The following CCR10 variants were observed in gnomAD, a reference collection of about 807,000 sequenced individuals.
CCR10 encodes C-C motif chemokine receptor 10.
CCR10 carries 11 observed loss-of-function variants against 11.9 expected under a neutral mutation model. That is an observed-to-expected ratio of 0.92 (90% CI 0.58 to 1.53). CCR10 has a LOEUF of 1.53. Ranked by LOEUF, CCR10 falls within the 40% of genes most tolerant of loss-of-function variation. CCR10 has a pLI of 0.00. For synonymous variants in CCR10, 224 were observed against 245.4 expected (o/e 0.91, Z 0.81); for missense variants, 428 against 496.6 (o/e 0.86, Z 1.31).
chr17:42,680,595 C>T lies in CCR10; in HGVS notation c.47G>A (p.Gly16Glu). 1.9e-6 allele frequency: 3 copies of T among 1,572,146 alleles called. No homozygotes were observed. The highest frequency in any genetic ancestry group is 2.6e-6 in the Non-Finnish European group (3 of 1,156,372). ...TEQVSWGHYS[G>E]DEEDAYSAEP... ...AGCCGAGTATGCGTCCTCTTCATCC[C>T]CAGAGTAATGGCCCCAGGAAACCTG... The change falls in exon 2 of 2, where the codon GGG becomes GAG. Residue 16 changes from glycine to glutamate, a missense_variant. Transcript: ENST00000332438.
rs1427071755 is a variant in CCR10 at position 42,679,992 on chromosome 17, G to A, written c.650C>T (p.Ala217Val). The A allele has an allele frequency of 8.9e-6, 14 of 1,573,036 alleles. 1 individual carries two copies. The highest frequency in any genetic ancestry group is 1.7e-4 in the Middle Eastern group (1 of 5,994). Reference sequence around the variant, plus strand: ...GGCTACCATGACGCCCAGCGGCAGCGCGAAGCCCAGGGCCACCTGCGCCAC... The same window carrying A: ...GGCTACCATGACGCCCAGCGGCAGCACGAAGCCCAGGGCCACCTGCGCCAC... ...SAVAQVALGFALPLGVMVACY... is the reference protein window; with the variant it reads ...SAVAQVALGFVLPLGVMVACY... Residue 217 changes from alanine to valine, a missense_variant, in exon 2 of 2, where the codon GCG becomes GTG. Transcript: ENST00000332438.
chr17:42,679,375 A>C lies in CCR10; in HGVS notation c.*178T>G, dbSNP rs553443129. The C allele has an allele frequency of 2.2e-6, 1 of 444,680 alleles. No homozygotes were observed. Among genetic ancestry groups the C allele is most frequent in the African/African-American group, 2.0e-5 (1 of 49,318 alleles). 27.5% of individuals were successfully genotyped at this position (444,680 alleles called of 1,614,324 possible). A position where few individuals can be genotyped will look rare whatever the true frequency, so the allele number is the denominator to read the frequency against. On this transcript the variant is annotated 3_prime_UTR_variant, in exon 2 of 2. Transcript: ENST00000332438. ...TTCTGCCCCGCCACAAATCACTTCC[A>C]AGTCGGTGACTCAAAAATAGTAACA...
intron 1 of CCR10, 92 bp from the exon 2 acceptor site, chr17:42,680,709 T>C (rs2052921602): frequency 1.2e-6 from 1 of 864,404 alleles, no homozygotes; most frequent in South Asian, 1.6e-5. Context: ...TGAGAGCTCC[T>C]GTGTGGCCAG....
rs1243122707 is a variant in CCR10, at chr17:42,678,938, G to C, written c.*615C>G. 1.3e-5 allele frequency: 2 copies of C among 152,216 alleles called. No homozygotes were observed. Among genetic ancestry groups the C allele is most frequent in the Non-Finnish European group, 1.5e-5 (1 of 68,084 alleles). The allele number at this position is 152,216 out of a possible 1,614,324, so 9.4% of individuals were successfully genotyped here. ...TTCTTTCCATCACAGACACTAGGAA[G>C]GGATTGTAAAGTGGTTATGAAATCC... On this transcript the variant is annotated 3_prime_UTR_variant, in exon 2 of 2. Transcript: ENST00000332438.
intron 1 of CCR10, 96 bp downstream of exon 1, chr17:42,681,704 G>A: frequency 1.1e-6 from 1 of 885,486 alleles, no homozygotes. Flanking sequence ...ATAAGCCATA[G>A]GATGGCAGAG....
At chr17:42,681,173 G>A (rs1254463367) in intron 1 of CCR10, among the ~76,000 whole-genome samples, 13 of 151,970 alleles carry the variant, frequency 8.6e-5, no homozygotes, top group African/African-American at 2.7e-4. Context: ...CCACCACCAC[G>A]CCCAGCTAAT....
intron 1 of CCR10, 83 bp from the exon 2 acceptor site, chr17:42,680,700 G>T: frequency 1.0e-6 from 1 of 961,242 alleles, no homozygotes; most frequent in Non-Finnish European, 1.6e-6. Flanking sequence ...CTTCCAAGCT[G>T]AGAGCTCCTG....
chr17:42,680,346 G>T lies in CCR10; in HGVS notation c.296C>A (p.Ala99Glu), dbSNP rs1191006350. ...ACTCCAGCCCTGAAGAGCCCCTGCT[G>T]CCGCGAAGGGCAGAGTCAGGGCCAG... Reference protein sequence around the residue: ...LLLALTLPFAAAGALQGWSLG... With the variant: ...LLLALTLPFAEAGALQGWSLG... Residue 99 changes from alanine to glutamate, a missense_variant, in exon 2 of 2, where the codon GCA becomes GAA. Transcript: ENST00000332438. 31 of 1,552,780 alleles carry T rather than the reference G, an allele frequency of 2.0e-5. No homozygotes were observed. The highest frequency in any genetic ancestry group is 2.6e-5 in the Non-Finnish European group (30 of 1,148,272).
Position 42,680,533 on chromosome 17 carries a change from G to C in CCR10, c.109C>G (p.Gln37Glu), listed in dbSNP as rs1383739834. Residue 37 changes from glutamine to glutamate, a missense_variant, in exon 2 of 2, where the codon CAG becomes GAG. Physicochemically the swap from Gln to Glu is conservative, Grantham distance 29. Transcript: ENST00000332438. The stretch of plus-strand genomic sequence containing the variant: ...GGTTGGAAGGCCCGGCTGAAGGCCT[G>C]GACATCGGCCTTGTAGCAAAGCTCC... ...LPELCYKADV[Q>E]AFSRAFQPSV... The C allele has an allele frequency of 6.2e-7, 1 of 1,611,990 alleles. No homozygotes were observed.
rs547726826 is a variant in CCR10 at position 42,680,568 on chromosome 17, T to C, written c.74A>G (p.Glu25Gly). The change falls in exon 2 of 2, where the codon GAG (glutamate) becomes GGG (glycine). Residue 25 changes from glutamate (E) to glycine (G), a missense_variant. Physicochemically the swap from Glu to Gly is moderately conservative, Grantham distance 98. Coordinates refer to ENST00000332438, the MANE Select transcript of CCR10 (RefSeq NM_016602.3). ...CTTGTAGCAAAGCTCCGGCAGTGGC[T>C]CAGCCGAGTATGCGTCCTCTTCATC... ...SGDEEDAYSAEPLPELCYKAD... is the reference protein window; with the variant it reads ...SGDEEDAYSAGPLPELCYKAD... 68 of 1,603,102 alleles carry C rather than the reference T, an allele frequency of 4.2e-5. No homozygotes were observed. Among genetic ancestry groups the C allele is most frequent in the Admixed American group, 1.9e-4 (11 of 58,672 alleles).
rs761777239 is a variant in CCR10, at chr17:42,679,853, G to A, written c.789C>T (p.Tyr263=). ...VAAFVVLQLP[Y]SLALLLDTAD... ...CAGTATCCAGCAGCAGGGCGAGGCTGTAGGGCAGCTGCAGCACCACGAAGG... is the reference window on the plus strand; with the variant it reads ...CAGTATCCAGCAGCAGGGCGAGGCTATAGGGCAGCTGCAGCACCACGAAGG... The change falls in exon 2 of 2, where the codon TAC becomes TAT. Residue 263 remains tyrosine, a synonymous_variant. Transcript: ENST00000332438. 9.4e-6 allele frequency: 15 copies of A among 1,603,806 alleles called. No individual in the cohort carries two copies. Among genetic ancestry groups the A allele is most frequent in the Non-Finnish European group, 1.3e-5 (15 of 1,177,500 alleles).
Position 42,681,168 on chromosome 17 carries a change from A to C in CCR10, c.25-551T>G, listed in dbSNP as rs28648570. On this transcript the variant is annotated intron_variant, in intron 1 of 1. Coordinates refer to ENST00000332438, the MANE Select transcript of CCR10 (RefSeq NM_016602.3). ...GTAGCTGGGACTACAGGCGCCCACC[A>C]CCACGCCCAGCTAATTTTTGTATTT... 9.8e-3 allele frequency among the ~76,000 whole-genome samples: 1,481 copies of C among 151,892 alleles called. 36 individuals are homozygous for C. The highest frequency in any genetic ancestry group is 0.034 in the African/African-American group (1,405 of 41,380).
Position 42,680,594 on chromosome 17 carries a change from C to G in CCR10, c.48G>C (p.Gly16=), listed in dbSNP as rs770992008. Residue 16 remains glycine, a synonymous_variant, in exon 2 of 2, where the codon GGG becomes GGC. Coordinates refer to ENST00000332438, the MANE Select transcript of CCR10 (RefSeq NM_016602.3). ...CAGCCGAGTATGCGTCCTCTTCATC[C>G]CCAGAGTAATGGCCCCAGGAAACCT... The part of the protein sequence containing the change: ...TEQVSWGHYS[G]DEEDAYSAEP... 1.8e-5 allele frequency: 29 copies of G among 1,572,370 alleles called. No homozygotes were observed. The highest frequency in any genetic ancestry group is 2.2e-5 in the Non-Finnish European group (25 of 1,156,558).
In CCR10 at chr17:42,680,391, AGCT is replaced by A; in HGVS notation, c.248_250del (p.Gln83del). 6.4e-7 allele frequency: 1 copy of A among 1,559,892 alleles called. No homozygotes were observed. Among genetic ancestry groups the A allele is most frequent in the Non-Finnish European group, 8.7e-7 (1 of 1,152,062 alleles). On this transcript the variant is annotated inframe_deletion, in exon 2 of 2. Transcript: ENST00000332438. ...GGCCAGCAAGAGGTCGGCCAGGGCC[AGCT>A]GGAGCAGGTGGGCAGAGGTGGGCGA...
rs1388239053 is a variant in CCR10 at position 42,680,018 on chromosome 17, G to A, written c.624C>T (p.Ala208=). ...GLTQTVKGAS[A]VAQVALGFAL... ...CGAAGCCCAGGGCCACCTGCGCCAC[G>A]GCGCTCGCCCCCTTCACCGTCTGCG... Residue 208 remains alanine (A), a synonymous_variant, in exon 2 of 2, where the codon GCC becomes GCT. Coordinates refer to ENST00000332438, the MANE Select transcript of CCR10 (RefSeq NM_016602.3). The A allele has an allele frequency of 6.3e-7, 1 of 1,582,874 alleles. No homozygotes were observed. Among genetic ancestry groups the A allele is most frequent in the East Asian group, 2.3e-5 (1 of 43,882 alleles).
Position 42,679,560 on chromosome 17 carries a change from T to C in CCR10, c.1082A>G (p.Asp361Gly). The change falls in exon 2 of 2, where the codon GAC becomes GGC. Residue 361 changes from aspartate to glycine, a missense_variant. Asp to Gly is a moderately conservative substitution (Grantham distance 94). Transcript: ENST00000332438. The stretch of plus-strand genomic sequence containing the variant: ...TCCTCTAGATTCGCAGCCCTAGTTG[T>C]CCCAGGAGAGACTGTGGGTCTCCGT... ...APTETHSLSW[D>G]N 1 of 1,474,158 alleles carries C rather than the reference T, an allele frequency of 6.8e-7. No individual in the cohort carries two copies. The highest frequency in any genetic ancestry group is 9.0e-7 in the Non-Finnish European group (1 of 1,116,364). 91.3% of individuals were successfully genotyped at this position (1,474,158 alleles called of 1,614,324 possible).
Position 42,679,706 on chromosome 17 carries a change from G to T in CCR10, c.936C>A (p.Phe312Leu), listed in dbSNP as rs761722420. ...RCGLNPVLYA[F>L]LGLRFRQDLR... is the part of the protein sequence containing the mutation. ...GGTCCTGGCGGAAGCGCAGGCCCAG[G>T]AAGGCGTAGAGAACGGGATTGAGGC... Residue 312 changes from phenylalanine (F) to leucine (L), a missense_variant, in exon 2 of 2, where the codon TTC (phenylalanine) becomes TTA (leucine). Physicochemically the swap from Phe to Leu is conservative, Grantham distance 22. Transcript: ENST00000332438. 4 of 1,547,080 alleles carry T rather than the reference G, an allele frequency of 2.6e-6. No individual in the cohort carries two copies. In the South Asian group the frequency reaches 4.9e-5, roughly 19 times the overall value.
chr17:42,679,634 G>A lies in CCR10; in HGVS notation c.1008C>T (p.Pro336=). The A allele has an allele frequency of 6.7e-7, 1 of 1,483,476 alleles. No individual in the cohort carries two copies. The highest frequency in any genetic ancestry group is 8.9e-7 in the Non-Finnish European group (1 of 1,121,936). 91.9% of individuals were successfully genotyped at this position (1,483,476 alleles called of 1,614,324 possible). A position where few individuals can be genotyped will look rare whatever the true frequency, so the allele number is the denominator to read the frequency against. Reference sequence around the variant, plus strand: ...GGGGCCGGCGGGGGCAGCCGCGGCGGGGTTGAGGCCCTGAGGGGCAGCTCC... The same window carrying A: ...GGGGCCGGCGGGGGCAGCCGCGGCGAGGTTGAGGCCCTGAGGGGCAGCTCC... ...RGGSCPSGPQ[P]RRGCPRRPRL... The change falls in exon 2 of 2, where the codon CCC becomes CCT. Residue 336 remains proline (P), a synonymous_variant. Transcript: ENST00000332438.
At position 42,680,009 on chromosome 17, in the gene CCR10, C is replaced by T. The variant is rs985398470; in HGVS notation, c.633G>A (p.Gln211=). The T allele has an allele frequency of 3.2e-6, 5 of 1,580,720 alleles. No homozygotes were observed. The highest frequency in any genetic ancestry group is 4.3e-6 in the Non-Finnish European group (5 of 1,168,828). Residue 211 remains glutamine (Q), a synonymous_variant, in exon 2 of 2, where the codon CAG becomes CAA. Coordinates refer to ENST00000332438, the MANE Select transcript of CCR10 (RefSeq NM_016602.3). ...QTVKGASAVA[Q]VALGFALPLG... The stretch of plus-strand genomic sequence containing the variant: ...GCGGCAGCGCGAAGCCCAGGGCCAC[C>T]TGCGCCACGGCGCTCGCCCCCTTCA...
Sources: allele counts gnomAD v4.1 joint callset (sites outside exome capture counted in the v4.1 genomes callset), GRCh38; gene constraint gnomAD v4.1.1; transcripts MANE v1.5; gene names NCBI Gene and HGNC (gene_info 2026-07-23, HGNC 2026-07-21).